Variants in SIPA1L2 observed in about 807,000 individuals in gnomAD.
SIPA1L2 encodes signal induced proliferation associated 1 like 2.
Under a neutral mutation model 163.9 loss-of-function variants are expected in SIPA1L2, and 56 were observed. The ratio of observed to expected loss-of-function variants is 0.34; its 90% CI spans 0.28 to 0.43. The LOEUF is 0.43. Ranked by LOEUF, SIPA1L2 falls within the 20% of genes least tolerant of loss-of-function variation. The probability of loss-of-function intolerance (pLI) is 1.00; values close to 1 mark genes in which losing one functional copy is unlikely to be tolerated. For synonymous variants in SIPA1L2, 877 were observed against 865.7 expected (o/e 1.01, Z -0.23); for missense variants, 1,974 against 2,193.5 (o/e 0.90, Z 2.00).
rs549012331 is a variant in SIPA1L2, at chr1:232,486,459, T to C, written c.1807-2493A>G. Among the ~76,000 whole-genome samples, 10 of 152,156 alleles carry C rather than the reference T, an allele frequency of 6.6e-5. No homozygotes were observed. The East Asian group carries it at 1.9e-3, about 29-fold the overall frequency. ...TCCATCTAAGAAGCTCCTGGGCCCA[T>C]GGGAATCAGTGGATGTGACTAAAGC... On this transcript the variant is annotated intron_variant, in intron 5 of 22. Transcript: ENST00000674635.
At chr1:232,502,695 G>T (rs1263090320) in intron 3 of SIPA1L2, among the ~76,000 whole-genome samples, 2 of 152,164 alleles carry the variant, frequency 1.3e-5, no homozygotes, top group Non-Finnish European at 2.9e-5. Flanking sequence ...CTGTTTACAA[G>T]CATCACACCT....
chr1:232,617,322 A>T (rs987781723), intron 1 of SIPA1L2, among the ~76,000 whole-genome samples: 1 of 152,260 alleles, frequency 6.6e-6, no homozygotes, highest in Non-Finnish European at 1.5e-5. Context: ...GATGAGACCC[A>T]GTGGGGAAAC....
chr1:232,420,610 C>G (rs373633524), intron 18 of SIPA1L2, among the ~76,000 whole-genome samples: 1 of 152,044 alleles, frequency 6.6e-6, no homozygotes, highest in African/African-American at 2.4e-5. Flanking sequence ...CCGAGGCGGG[C>G]GGATCACGAG....
chr1:232,625,120 G>A (rs1032402041), intron 1 of SIPA1L2, among the ~76,000 whole-genome samples: 4 of 152,106 alleles, frequency 2.6e-5, no homozygotes, highest in Non-Finnish European at 5.9e-5. Flanking sequence ...CAGCAAAGGA[G>A]GTTTGACACA....
Position 232,398,847 on chromosome 1 carries a change from T to C in SIPA1L2, c.*280A>G. ...GTAAGCCCAAGCCAGAGCACTGTTT[T>C]AGCAGAGTCTAAAAGAAAAAGGTCT... is the stretch of plus-strand genomic sequence containing the variant. On this transcript the variant is annotated 3_prime_UTR_variant, in exon 23 of 23. Coordinates refer to ENST00000674635, the MANE Select transcript of SIPA1L2 (RefSeq NM_020808.5). 2.7e-6 allele frequency: 1 copy of C among 367,608 alleles called. No homozygotes were observed. Among genetic ancestry groups the C allele is most frequent in the Non-Finnish European group, 5.0e-6 (1 of 199,060 alleles). The allele number at this position is 367,608 out of a possible 1,614,324, so 22.8% of individuals were successfully genotyped here.
At chr1:232,566,591 G>C (rs534527724) in intron 2 of SIPA1L2, among the ~76,000 whole-genome samples, 1 of 152,298 alleles carries the variant, frequency 6.6e-6, no homozygotes, top group South Asian at 2.1e-4. Flanking sequence ...CTTGTACAAA[G>C]CATGACATTG....
chr1:232,413,359 T>C (rs1239702477), intron 19 of SIPA1L2, among the ~76,000 whole-genome samples: 1 of 152,174 alleles, frequency 6.6e-6, no homozygotes, highest in East Asian at 1.9e-4. Context: ...AATCCCTAAA[T>C]TGATCATTCA....
intron 15 of SIPA1L2, among the ~76,000 whole-genome samples, chr1:232,435,967 T>G (rs530798670): frequency 6.6e-5 from 10 of 152,140 alleles, no homozygotes; most frequent in African/African-American, 2.4e-4. Flanking sequence ...TGCCAAGGAA[T>G]GTGCGTGTGT....
At chr1:232,505,236 G>A (rs1360911653) in intron 3 of SIPA1L2, among the ~76,000 whole-genome samples, 1 of 152,204 alleles carries the variant, frequency 6.6e-6, no homozygotes, top group Non-Finnish European at 1.5e-5. Context: ...CTGATAACGG[G>A]ATGGCTGTCC....
chr1:232,449,009 G>A lies in SIPA1L2; in HGVS notation c.3096-3223C>T, dbSNP rs369873663. ...TCTCCTTCCTCTAAACTTGGCCTCA[G>A]AATGCTCACCACCCCACAGAGATCA... On this transcript the variant is annotated intron_variant, in intron 10 of 22. Coordinates refer to ENST00000674635, the MANE Select transcript of SIPA1L2 (RefSeq NM_020808.5). Among the ~76,000 whole-genome samples, 18 of 152,212 alleles carry A rather than the reference G, an allele frequency of 1.2e-4. No homozygotes were observed. In the East Asian group the frequency reaches 3.1e-3, roughly 26 times the overall value.
chr1:232,500,945 T>A (rs998940652), intron 3 of SIPA1L2, among the ~76,000 whole-genome samples: 5 of 151,388 alleles, frequency 3.3e-5, no homozygotes, highest in African/African-American at 7.3e-5. Flanking sequence ...ACACCCACCA[T>A]CCTGATCAGC....
intron 1 of SIPA1L2, among the ~76,000 whole-genome samples, chr1:232,606,904 A>G (rs1419013405): frequency 6.6e-6 from 1 of 151,994 alleles, no homozygotes; most frequent in Non-Finnish European, 1.5e-5. Flanking sequence ...TATCTAATAA[A>G]CATTTGCTAA....
chr1:232,539,812 C>T (rs925545120), intron 2 of SIPA1L2, among the ~76,000 whole-genome samples: 1 of 152,186 alleles, frequency 6.6e-6, no homozygotes, highest in Non-Finnish European at 1.5e-5. Flanking sequence ...AGTGACCTGT[C>T]AATCTAGATC....
intron 8 of SIPA1L2, 97 bp downstream of exon 8, chr1:232,471,274 G>A (rs1042369888): frequency 3.0e-5 from 40 of 1,312,640 alleles, no homozygotes; most frequent in Middle Eastern, 2.5e-4. Context: ...AAATCACAAA[G>A]TTGCAAATAA....
At chr1:232,520,181 A>G (rs1285647043) in intron 2 of SIPA1L2, among the ~76,000 whole-genome samples, 2 of 152,218 alleles carry the variant, frequency 1.3e-5, no homozygotes, top group African/African-American at 4.8e-5. Flanking sequence ...TGTGAGGGGC[A>G]CTGGTCTTCT....
Position 232,558,035 on chromosome 1 carries a change from A to G in SIPA1L2, c.-270+16139T>C, listed in dbSNP as rs139861075. ...AACAAAAGCCTTGCTGGAAAAAGTG[A>G]CAAGTCATAGCTGCATTGTTCAAAC... is the stretch of plus-strand genomic sequence containing the variant. On this transcript the variant is annotated intron_variant, in intron 2 of 22. Coordinates refer to ENST00000674635, the MANE Select transcript of SIPA1L2 (RefSeq NM_020808.5). Among the ~76,000 whole-genome samples the G allele has an allele frequency of 7.2e-3, 1,100 of 152,332 alleles. 12 individuals are homozygous for G. Among genetic ancestry groups the G allele is most frequent in the East Asian group, 0.05 (259 of 5,192 alleles).
At chr1:232,561,593 A>T (rs1304146963) in intron 2 of SIPA1L2, 1 of 152,236 alleles carries the variant, frequency 6.6e-6, no homozygotes, top group East Asian at 1.9e-4. Flanking sequence ...CCAAACAGCC[A>T]TCTGCCTGTG....
chr1:232,439,124 T>C lies in SIPA1L2; in HGVS notation c.4015A>G (p.Ile1339Val). Residue 1339 changes from isoleucine to valine, a missense_variant, in exon 15 of 23, where the codon ATA (isoleucine) becomes GTA (valine). Physicochemically the swap from Ile to Val is conservative, Grantham distance 29. This residue lies in a region of SIPA1L2 where 1,079 missense variants were observed against 1,150.7 expected (regional missense o/e 0.94). Transcript: ENST00000674635. ...GGGGCTTACCTGGAATGAGAGGATA[T>C]CTCACTGAGATCGCCCATGCTGCCT... ...AEGSMGDLSE[I>V]SSHSSGSHHS... 1 of 1,608,042 alleles carries C rather than the reference T, an allele frequency of 6.2e-7. No individual in the cohort carries two copies. The highest frequency in any genetic ancestry group is 1.1e-5 in the South Asian group (1 of 90,542).
At chr1:232,419,875 C>T (rs953846214) in intron 18 of SIPA1L2, among the ~76,000 whole-genome samples, 4 of 152,178 alleles carry the variant, frequency 2.6e-5, no homozygotes, top group East Asian at 1.9e-4. Flanking sequence ...TGATGTTTAC[C>T]GAGCATCTTC....
Sources: gnomAD v4.1 joint callset for allele counts (sites outside exome capture counted in the v4.1 genomes callset) on GRCh38, gnomAD v4.1.1 for gene constraint, gnomAD v4.1.1 regional missense constraint, MANE v1.5 for transcripts, NCBI Gene and HGNC (gene_info 2026-07-23, HGNC 2026-07-21) for gene names.